Variants in CSMD1 observed in about 807,000 individuals in gnomAD.
The protein encoded by CSMD1 is CUB and sushi domain-containing protein 1.
CSMD1 carries 213 observed loss-of-function variants against 417.5 expected under a neutral mutation model. The observed-to-expected ratio is 0.51, with a 90% CI of 0.46 to 0.57. CSMD1 has a LOEUF of 0.57. CSMD1 is among the 20% of genes least tolerant of loss of function. The probability of loss-of-function intolerance (pLI) is 0.00; values close to 1 mark genes in which losing one functional copy is unlikely to be tolerated. For synonymous variants in CSMD1, 2,862 were observed against 1,736.8 expected, an observed-to-expected ratio of 1.65 and a Z score of -16.11; for missense variants, 6,923 against 4,529.7, an observed-to-expected ratio of 1.53 and a Z score of -15.17.
chr8:4,521,601 G>C (rs1803451534), intron 2 of CSMD1, among the ~76,000 whole-genome samples: 1 of 152,136 alleles, frequency 6.6e-6, no homozygotes, highest in Non-Finnish European at 1.5e-5. Context: ...CAAAAATAAA[G>C]AGACAAAAAT....
chr8:4,965,682 T>G (rs984389933), intron 1 of CSMD1, among the ~76,000 whole-genome samples: 2 of 152,184 alleles, frequency 1.3e-5, no homozygotes, highest in Non-Finnish European at 2.9e-5. Flanking sequence ...TCCCATAAGG[T>G]TGGCTGGATG....
At chr8:3,351,598 C>CAAAAAAAA (rs10718608) in intron 21 of CSMD1, among the ~76,000 whole-genome samples, 1 of 124,268 alleles carries the variant, frequency 8.0e-6, no homozygotes, top group African/African-American at 3.0e-5. Context: ...GACTCTGTTT[C>CAAAAAAAA]AAAAAAAAAA....
At chr8:3,006,676 G>C (rs919725596) in intron 52 of CSMD1, among the ~76,000 whole-genome samples, 27 of 148,174 alleles carry the variant, frequency 1.8e-4, no homozygotes, top group Admixed American at 2.7e-4. Context: ...ATGGGGAAAG[G>C]ATTCCCTATT....
intron 3 of CSMD1, among the ~76,000 whole-genome samples, chr8:4,093,353 T>C (rs1421989510): frequency 1.3e-5 from 2 of 152,274 alleles, no homozygotes. Context: ...AGAAGAATAA[T>C]GAAAGTTAAA....
At chr8:4,789,340 A>G (rs1016674645) in intron 1 of CSMD1, among the ~76,000 whole-genome samples, 1 of 152,220 alleles carries the variant, frequency 6.6e-6, no homozygotes, top group African/African-American at 2.4e-5. Context: ...ACTATAGACA[A>G]TAAAGTATGA....
chr8:4,757,445 G>T (rs1339266328), intron 1 of CSMD1, among the ~76,000 whole-genome samples: 1 of 152,100 alleles, frequency 6.6e-6, no homozygotes, highest in Non-Finnish European at 1.5e-5. Context: ...TGGAGAGCAG[G>T]AAGGTTAACT....
intron 3 of CSMD1, among the ~76,000 whole-genome samples, chr8:4,242,923 G>C (rs1034968752): frequency 1.3e-5 from 2 of 152,024 alleles, no homozygotes; most frequent in Non-Finnish European, 2.9e-5. Flanking sequence ...TTCTGACCCA[G>C]AAAAAAAGAT....
At chr8:4,190,005 T>C (rs933687963) in intron 3 of CSMD1, among the ~76,000 whole-genome samples, 6 of 151,888 alleles carry the variant, frequency 4.0e-5, no homozygotes, top group East Asian at 3.9e-4. Context: ...ACGCCTGAAA[T>C]CCCAGCACTT....
chr8:3,247,793 A>G (rs1367807761), intron 26 of CSMD1, among the ~76,000 whole-genome samples: 1 of 152,246 alleles, frequency 6.6e-6, no homozygotes, highest in Non-Finnish European at 1.5e-5. Context: ...TTACACATAG[A>G]TTCACTAAGA....
At chr8:4,117,950 G>GAAAAAA (rs112018951) in intron 3 of CSMD1, among the ~76,000 whole-genome samples, 1 of 139,092 alleles carries the variant, frequency 7.2e-6, no homozygotes, top group East Asian at 2.1e-4. Flanking sequence ...CAAGTCAATA[G>GAAAAAA]GAAAAAAAAA....
At position 3,732,432 on chromosome 8, in the gene CSMD1, C is replaced by T. The variant is rs533402628; in HGVS notation, c.931+21498G>A. On this transcript the variant is annotated intron_variant, in intron 6 of 69. Transcript: ENST00000635120. ...GAAATTAATAATGAACCAAGTCATA[C>T]TGGAAGGACTCATTCCTTAGGAATA... is the stretch of plus-strand genomic sequence containing the variant. Among the ~76,000 whole-genome samples, 29 of 152,178 alleles carry T rather than the reference C, an allele frequency of 1.9e-4. No individual in the cohort carries two copies. In the South Asian group the frequency reaches 4.8e-3, roughly 25 times the overall value.
intron 5 of CSMD1, among the ~76,000 whole-genome samples, chr8:3,967,556 C>A (rs972288533): frequency 6.6e-6 from 1 of 152,076 alleles, no homozygotes. Context: ...TGAGTGAGTT[C>A]AGCAAATATC....
At position 3,311,452 on chromosome 8, in the gene CSMD1, G is replaced by A. The variant is rs531857838; in HGVS notation, c.3632-2949C>T. 8.7e-5 allele frequency among the ~76,000 whole-genome samples: 13 copies of A among 148,744 alleles called. 1 individual carries two copies. In the South Asian group the frequency reaches 1.0e-3, roughly 12 times the overall value. The stretch of plus-strand genomic sequence containing the variant: ...TTTAGTAGAGTCAGGGTTTCACCAC[G>A]TTGTCTAGGCTTGTCTCAAACTCCT... On this transcript the variant is annotated intron_variant, in intron 23 of 69. Transcript: ENST00000635120.
intron 1 of CSMD1, among the ~76,000 whole-genome samples, chr8:4,962,068 T>A (rs536578592): frequency 6.6e-6 from 1 of 151,846 alleles, no homozygotes; most frequent in African/African-American, 2.4e-5. Context: ...ATTATATCTA[T>A]TTTCTTTAAG....
chr8:3,966,380 T>A (rs1450207385), intron 5 of CSMD1, among the ~76,000 whole-genome samples: 9 of 152,198 alleles, frequency 5.9e-5, no homozygotes. Context: ...AAGTCTTGCG[T>A]CTTGAAAACA....
chr8:3,915,127 T>C (rs769137291), intron 5 of CSMD1, among the ~76,000 whole-genome samples: 8 of 151,954 alleles, frequency 5.3e-5, no homozygotes, highest in Non-Finnish European at 8.8e-5. Flanking sequence ...GGTAGCAGGT[T>C]GGGAGTAGTA....
chr8:4,261,259 C>G (rs966499812), intron 3 of CSMD1, among the ~76,000 whole-genome samples: 3 of 152,124 alleles, frequency 2.0e-5, no homozygotes, highest in Non-Finnish European at 4.4e-5. Flanking sequence ...AAAAAGAACG[C>G]CTGTTTTCTT....
At chr8:3,817,826 C>G (rs1178058252) in intron 5 of CSMD1, among the ~76,000 whole-genome samples, 1 of 152,056 alleles carries the variant, frequency 6.6e-6, no homozygotes, top group Non-Finnish European at 1.5e-5. Flanking sequence ...TCTGGCCACA[C>G]CAAGTCCAGC....
At chr8:4,201,674 T>C (rs1341008245) in intron 3 of CSMD1, among the ~76,000 whole-genome samples, 1 of 152,002 alleles carries the variant, frequency 6.6e-6, no homozygotes, top group Non-Finnish European at 1.5e-5. Flanking sequence ...TTCTATAATT[T>C]ACTCAAGTGT....
Sources: gnomAD v4.1 joint callset for allele counts (sites outside exome capture counted in the v4.1 genomes callset) on GRCh38, gnomAD v4.1.1 for gene constraint, MANE v1.5 for transcripts, NCBI Gene and HGNC (gene_info 2026-07-23, HGNC 2026-07-21) for gene names.